Variants in IGSF11 observed in about 807,000 individuals in gnomAD.
IGSF11 encodes the protein CXADR like 1.
A neutral mutation model predicts 41.0 loss-of-function variants in IGSF11; 22 were observed. That is an observed-to-expected ratio of 0.54 (90% confidence interval 0.38 to 0.77). The LOEUF is 0.77. Ranked by LOEUF, IGSF11 falls within the 30% of genes least tolerant of loss-of-function variation. The pLI, the probability that IGSF11 is intolerant of heterozygous loss-of-function variation, is 0.00. For missense variants in IGSF11, 444 were observed against 530.8 expected, an observed-to-expected ratio of 0.84 and a Z score of 1.61; for synonymous variants, 219 against 201.3, an observed-to-expected ratio of 1.09 and a Z score of -0.74.
At chr3:119,101,176 T>C (rs1182567495) in intron 1 of IGSF11, among the ~76,000 whole-genome samples, 1 of 152,200 alleles carries the variant, frequency 6.6e-6, no homozygotes, top group African/African-American at 2.4e-5. Flanking sequence ...AATAGCCTCT[T>C]TTTACAAATT....
intron 1 of IGSF11, among the ~76,000 whole-genome samples, chr3:119,114,630 GT>G (rs1219400547): frequency 1.3e-5 from 2 of 152,196 alleles, no homozygotes; most frequent in African/African-American, 4.8e-5. Context: ...GGTTACAATA[GT>G]TTAACAAGTC....
chr3:119,000,063 CTTTTTT>C (rs1297321950), intron 1 of IGSF11, among the ~76,000 whole-genome samples: 18 of 98,746 alleles, frequency 1.8e-4, no homozygotes, highest in African/African-American at 6.4e-4. Flanking sequence ...ATTCATTATT[CTTTTTT>C]TTTTTTTTTT....
chr3:119,117,165 A>C (rs548512891), intron 1 of IGSF11, among the ~76,000 whole-genome samples: 1 of 151,822 alleles, frequency 6.6e-6, no homozygotes, highest in Non-Finnish European at 1.5e-5. Context: ...AGATGATTAC[A>C]CATGGAGGTC....
intron 4 of IGSF11, among the ~76,000 whole-genome samples, chr3:118,913,234 A>C (rs1940578871): frequency 6.6e-6 from 1 of 152,194 alleles, no homozygotes; most frequent in Non-Finnish European, 1.5e-5. Flanking sequence ...ACAGGAAACA[A>C]TAAAGAAAGA....
intron 1 of IGSF11, among the ~76,000 whole-genome samples, chr3:119,018,829 G>A (rs1939005160): frequency 6.6e-6 from 1 of 152,222 alleles, no homozygotes; most frequent in Non-Finnish European, 1.5e-5. Context: ...AGAGAGGCAT[G>A]CAGAAGTGCT....
chr3:119,115,008 T>TCAC (rs2077236255), intron 1 of IGSF11, among the ~76,000 whole-genome samples: 1 of 152,104 alleles, frequency 6.6e-6, no homozygotes, highest in Non-Finnish European at 1.5e-5. Context: ...CTACACACTT[T>TCAC]AAAATAACCA....
chr3:118,906,341 G>A (rs1213401365), intron 4 of IGSF11, among the ~76,000 whole-genome samples: 1 of 87,320 alleles, frequency 1.1e-5, no homozygotes, highest in Admixed American at 1.3e-4. Context: ...ACTGTCAAGG[G>A]GACAGGGAAG....
intron 1 of IGSF11, among the ~76,000 whole-genome samples, chr3:118,955,845 T>C (rs942705557): frequency 6.6e-6 from 1 of 152,174 alleles, no homozygotes. Flanking sequence ...AGAGTCAGCC[T>C]GTCCTTTGAA....
intron 1 of IGSF11, among the ~76,000 whole-genome samples, chr3:119,089,813 T>C (rs192117093): frequency 2.9e-3 from 442 of 152,218 alleles, no homozygotes; most frequent in Non-Finnish European, 4.7e-3. Flanking sequence ...TCAGCTGAGA[T>C]TGAGAGTTCG....
intron 1 of IGSF11, among the ~76,000 whole-genome samples, chr3:119,056,338 A>G (rs1336588212): frequency 3.3e-5 from 5 of 152,338 alleles, no homozygotes; most frequent in South Asian, 2.1e-4. Flanking sequence ...AGAATACTAT[A>G]AACACCTCTA....
chr3:119,024,118 A>C (rs1234099729), intron 1 of IGSF11, among the ~76,000 whole-genome samples: 2 of 152,160 alleles, frequency 1.3e-5, no homozygotes, highest in Admixed American at 6.5e-5. Context: ...TGGTGGGAGT[A>C]AGGGGTTGGG....
intron 1 of IGSF11, among the ~76,000 whole-genome samples, chr3:119,129,718 C>T (rs565977503): frequency 5.3e-5 from 8 of 152,306 alleles, no homozygotes; most frequent in African/African-American, 1.9e-4. Context: ...TGTACAATGG[C>T]TCATACCTGT....
chr3:118,953,193 G>C (rs779569437), intron 1 of IGSF11, among the ~76,000 whole-genome samples: 1 of 152,076 alleles, frequency 6.6e-6, no homozygotes, highest in Non-Finnish European at 1.5e-5. Flanking sequence ...ATGGTCTCCA[G>C]CTCCATCCAG....
At chr3:118,960,737 TCA>T (rs1945284734) in intron 1 of IGSF11, among the ~76,000 whole-genome samples, 1 of 152,242 alleles carries the variant, frequency 6.6e-6, no homozygotes, top group Admixed American at 6.5e-5. Flanking sequence ...ACTTTTATAA[TCA>T]CATAGTAAGG....
At chr3:119,012,329 C>T (rs577593768) in intron 1 of IGSF11, among the ~76,000 whole-genome samples, 1 of 152,278 alleles carries the variant, frequency 6.6e-6, no homozygotes, top group South Asian at 2.1e-4. Flanking sequence ...ATGGTATTTC[C>T]AAACCTTTCG....
At chr3:118,927,034 AAATGAATAAATGAATG>A (rs1942382282) in intron 3 of IGSF11, among the ~76,000 whole-genome samples, 1 of 152,208 alleles carries the variant, frequency 6.6e-6, no homozygotes, top group Non-Finnish European at 1.5e-5. Flanking sequence ...ACCCTTTCCA[AAATGAATAAATGAATG>A]AATGAAAAAA....
Position 119,093,993 on chromosome 3 carries a change from T to C in IGSF11, c.49+11151A>G, listed in dbSNP as rs2076806069. ...AGATAGCCTAGATACAATCAGAAAA[T>C]ATGATCTTAAGAGATTTTAAGAGAC... On this transcript the variant is annotated intron_variant, in intron 1 of 6. Transcript: ENST00000354673. Among the ~76,000 whole-genome samples the C allele has an allele frequency of 4.0e-5, 6 of 151,884 alleles. No individual in the cohort carries two copies. In the South Asian group the frequency reaches 1.2e-3, roughly 32 times the overall value.
chr3:118,957,839 T>A (rs1945070396), intron 1 of IGSF11, among the ~76,000 whole-genome samples: 1 of 152,200 alleles, frequency 6.6e-6, no homozygotes, highest in Non-Finnish European at 1.5e-5. Flanking sequence ...GTTACCAACT[T>A]GACCAAGGAT....
chr3:119,016,720 C>T (rs9860826), intron 1 of IGSF11, among the ~76,000 whole-genome samples: 13,155 of 152,146 alleles, frequency 0.086, 713 homozygotes, highest in Middle Eastern at 0.12. Context: ...GAACTAGCAA[C>T]GCTCCTTTCC....
Sources: allele counts gnomAD v4.1 joint callset (sites outside exome capture counted in the v4.1 genomes callset), GRCh38; gene constraint gnomAD v4.1.1; transcripts MANE v1.5; gene names NCBI Gene and HGNC (gene_info 2026-07-23, HGNC 2026-07-21).